CAMTA1: variants seen among roughly 807,000 people sequenced by gnomAD.
The protein encoded by CAMTA1 is calmodulin-binding transcription activator 1.
CAMTA1 carries 27 observed loss-of-function variants against 170.9 expected under a neutral mutation model. The ratio of observed to expected loss-of-function variants is 0.16; its 90% CI spans 0.12 to 0.22. The LOEUF is 0.22. Among genes scored for constraint, CAMTA1 ranks in the 10% least tolerant of loss-of-function variants. The pLI, the probability that CAMTA1 is intolerant of heterozygous loss-of-function variation, is 1.00. For synonymous variants in CAMTA1, 833 were observed against 891.5 expected (o/e 0.93, Z 1.17); for missense variants, 1,619 against 2,217.2 (o/e 0.73, Z 5.42).
chr1:7,549,350 C>T lies in CAMTA1; in HGVS notation c.510+81449C>T, dbSNP rs543352662. On this transcript the variant is annotated intron_variant, in intron 6 of 22. Transcript: ENST00000303635. ...CACCAGGTCCCTTCTCATTTTCTTC[C>T]GGGTTGACCTTGTTGGCAGCAGGAA... 7.9e-5 allele frequency among the ~76,000 whole-genome samples: 12 copies of T among 152,122 alleles called. No homozygotes were observed. The East Asian group carries it at 1.4e-3, about 17-fold the overall frequency.
chr1:7,316,976 G>A (rs879704838), intron 5 of CAMTA1, among the ~76,000 whole-genome samples: 6 of 152,194 alleles, frequency 3.9e-5, no homozygotes, highest in South Asian at 2.1e-4. Flanking sequence ...CCTCAACTTC[G>A]AAGCAAATTC....
At chr1:7,608,431 C>G (rs959661851) in intron 6 of CAMTA1, among the ~76,000 whole-genome samples, 1 of 152,190 alleles carries the variant, frequency 6.6e-6, no homozygotes, top group Non-Finnish European at 1.5e-5. Context: ...GGCACATGTC[C>G]TTAGCACTCA....
At position 7,737,361 on chromosome 1, in the gene CAMTA1, T is replaced by G; in HGVS notation, c.3449T>G (p.Ile1150Ser). The G allele has an allele frequency of 6.2e-7, 1 of 1,614,204 alleles. No individual in the cohort carries two copies. The highest frequency in any genetic ancestry group is 8.5e-7 in the Non-Finnish European group (1 of 1,180,038). Residue 1150 changes from isoleucine to serine, a missense_variant, in exon 15 of 23, where the codon ATT becomes AGT. Transcript: ENST00000303635. ...PDSLGRLPLG[I>S]ARSRGHVKLA... is the part of the protein sequence containing the mutation. ...TCTCTAGGAAGGCTGCCTTTGGGAA[T>G]TGCCAGGTCACGGGGTCATGTGAAA...
At chr1:7,037,169 G>C (rs1434986810) in intron 3 of CAMTA1, among the ~76,000 whole-genome samples, 1 of 152,160 alleles carries the variant, frequency 6.6e-6, no homozygotes, top group East Asian at 1.9e-4. Context: ...CATTTGTTTA[G>C]TTCTTTCTAC....
At chr1:7,417,553 A>G (rs181606781) in intron 5 of CAMTA1, among the ~76,000 whole-genome samples, 1,756 of 152,302 alleles carry the variant, frequency 0.012, 24 homozygotes, top group South Asian at 0.031. Flanking sequence ...GCGAGACTCC[A>G]TGGGCGTAGG....
intron 6 of CAMTA1, among the ~76,000 whole-genome samples, chr1:7,526,706 A>C (rs1044889246): frequency 6.6e-6 from 1 of 152,162 alleles, no homozygotes; most frequent in African/African-American, 2.4e-5. Context: ...CTTGGAGAAC[A>C]CCAGCCTGCG....
intron 6 of CAMTA1, among the ~76,000 whole-genome samples, chr1:7,488,700 T>G (rs1338072885): frequency 6.6e-6 from 1 of 152,138 alleles, no homozygotes; most frequent in East Asian, 1.9e-4. Flanking sequence ...CACATAAATA[T>G]ATACATATGC....
intron 5 of CAMTA1, among the ~76,000 whole-genome samples, chr1:7,268,867 A>G (rs1180670382): frequency 1.3e-5 from 2 of 152,242 alleles, no homozygotes; most frequent in Non-Finnish European, 2.9e-5. Flanking sequence ...TTAAAAGACA[A>G]GAGCTTCAAA....
intron 3 of CAMTA1, among the ~76,000 whole-genome samples, chr1:6,836,943 C>CT (rs780894298): frequency 0.1 from 14,180 of 137,282 alleles, 1,088 homozygotes; most frequent in Admixed American, 0.25. Flanking sequence ...TGAAGGAGTT[C>CT]TTTTTTTTTT....
chr1:7,471,433 G>T (rs573050508), intron 6 of CAMTA1, among the ~76,000 whole-genome samples: 6 of 152,350 alleles, frequency 3.9e-5, no homozygotes, highest in African/African-American at 1.4e-4. Flanking sequence ...CACTCCAGCT[G>T]GGCAGGGCCA....
At chr1:7,178,004 ACT>A (rs1347310651) in intron 4 of CAMTA1, among the ~76,000 whole-genome samples, 1 of 151,656 alleles carries the variant, frequency 6.6e-6, no homozygotes, top group African/African-American at 2.4e-5. Flanking sequence ...CCTCCTACAC[ACT>A]GAGCCACTTC....
intron 3 of CAMTA1, among the ~76,000 whole-genome samples, chr1:7,030,314 C>T (rs760589437): frequency 6.6e-6 from 1 of 152,170 alleles, no homozygotes; most frequent in Non-Finnish European, 1.5e-5. Context: ...TTTATCCTGG[C>T]ATTTTGTCAC....
At chr1:7,430,667 T>G (rs2149359045) in intron 5 of CAMTA1, among the ~76,000 whole-genome samples, 1 of 152,298 alleles carries the variant, frequency 6.6e-6, no homozygotes, top group Admixed American at 6.5e-5. Flanking sequence ...AGCCTCTCTG[T>G]TACCTGACCA....
chr1:6,807,956 G>A (rs1644716272), intron 1 of CAMTA1, among the ~76,000 whole-genome samples: 1 of 151,792 alleles, frequency 6.6e-6, no homozygotes, highest in African/African-American at 2.4e-5. Flanking sequence ...GCTTTAATAA[G>A]GCTCTGGAAG....
intron 3 of CAMTA1, among the ~76,000 whole-genome samples, chr1:6,869,401 A>G (rs1330296350): frequency 6.6e-6 from 1 of 152,208 alleles, no homozygotes; most frequent in African/African-American, 2.4e-5. Flanking sequence ...TCTTTACAGC[A>G]TTATTTCTGT....
At chr1:7,284,328 CCAGT>C (rs1332736956) in intron 5 of CAMTA1, among the ~76,000 whole-genome samples, 1 of 151,790 alleles carries the variant, frequency 6.6e-6, no homozygotes, top group Admixed American at 6.6e-5. Flanking sequence ...CTCAGCCTCC[CCAGT>C]AGCTGAGACT....
chr1:6,898,628 G>A (rs958928417), intron 3 of CAMTA1, among the ~76,000 whole-genome samples: 2 of 152,256 alleles, frequency 1.3e-5, no homozygotes, highest in African/African-American at 4.8e-5. Flanking sequence ...TAGAGTGTGA[G>A]AGAATGGGCT....
rs1028269439 is a variant in CAMTA1, at chr1:7,735,444, C to CA, written c.3067-885dup. On this transcript the variant is annotated intron_variant, in intron 12 of 22. Coordinates refer to ENST00000303635, the MANE Select transcript of CAMTA1 (RefSeq NM_015215.4). ...TGGGTGACAGAGCGAGACTCTGTCT[C>CA]AAAAAAAAAAAAAAAGAAAAAAGAA... is the stretch of plus-strand genomic sequence containing the variant. 4.3e-3 allele frequency among the ~76,000 whole-genome samples: 245 copies of CA among 57,182 alleles called. 1 individual carries two copies. Among genetic ancestry groups the CA allele is most frequent in the East Asian group, 0.02 (38 of 1,920 alleles). 37.5% of individuals were successfully genotyped at this position (57,182 alleles called of 152,430 possible).
At position 7,463,149 on chromosome 1, in the gene CAMTA1, T is replaced by C. The variant is rs2093130753; in HGVS notation, c.439-4681T>C. Among the ~76,000 whole-genome samples the C allele has an allele frequency of 1.3e-5, 2 of 152,214 alleles. No individual in the cohort carries two copies. Among genetic ancestry groups the C allele is most frequent in the East Asian group, 1.9e-4 (1 of 5,186 alleles). ...CGGGGAGGGCTGCCCTGTGGCCCGCTGTGACCTTCAGGCCCCATCTGCTCC... is the reference window on the plus strand; with the variant it reads ...CGGGGAGGGCTGCCCTGTGGCCCGCCGTGACCTTCAGGCCCCATCTGCTCC... On this transcript the variant is annotated intron_variant, in intron 5 of 22. Transcript: ENST00000303635. The surrounding 1 kb of genome is among the most constrained non-coding windows in gnomAD (Gnocchi z 4.7).
Sources: gnomAD v4.1 joint callset for allele counts (sites outside exome capture counted in the v4.1 genomes callset) on GRCh38, gnomAD v4.1.1 for gene constraint, Gnocchi (gnomAD v3.1) non-coding constraint, MANE v1.5 for transcripts, NCBI Gene and HGNC (gene_info 2026-07-23, HGNC 2026-07-21) for gene names.